The following ADK variants were observed in gnomAD, a reference collection of about 807,000 sequenced individuals.
ADK encodes the protein adenosine kinase, also known as N6,N6-dimethyladenosine kinase.
In ADK, 24 loss-of-function variants were observed where a neutral mutation model predicts 44.7. The ratio of observed to expected loss-of-function variants is 0.54; its 90% CI spans 0.39 to 0.76. The LOEUF is 0.76. ADK is among the 30% of genes least tolerant of loss of function. ADK has a pLI of 0.00. For synonymous variants in ADK, 128 were observed against 142.6 expected (o/e 0.90, Z 0.73); for missense variants, 321 against 425.1 (o/e 0.76, Z 2.15).
intron 9 of ADK, among the ~76,000 whole-genome samples, chr10:74,639,797 C>T (rs145362532): frequency 6.6e-6 from 1 of 152,302 alleles, no homozygotes; most frequent in Admixed American, 6.5e-5. Context: ...GATCTCGCTA[C>T]TGCACTCCAG....
chr10:74,207,859 GTC>G (rs1414354239), intron 2 of ADK, among the ~76,000 whole-genome samples: 1 of 152,166 alleles, frequency 6.6e-6, no homozygotes, highest in Non-Finnish European at 1.5e-5. Context: ...CCAGGAGAGT[GTC>G]TGCCTCCTGC....
intron 4 of ADK, chr10:74,372,023 C>G: frequency 1.3e-6 from 1 of 773,406 alleles, no homozygotes; most frequent in South Asian, 1.3e-5. Flanking sequence ...CCATTCTATG[C>G]AACAATAAGG....
intron 1 of ADK, among the ~76,000 whole-genome samples, chr10:74,185,308 G>T (rs1591821054): frequency 1.3e-5 from 2 of 152,256 alleles, no homozygotes; most frequent in African/African-American, 4.8e-5. Context: ...AAGGTTTTCT[G>T]CGGGGAGGTT....
chr10:74,619,058 GTT>G (rs1209360334), intron 9 of ADK, among the ~76,000 whole-genome samples: 1 of 138,462 alleles, frequency 7.2e-6, no homozygotes, highest in Non-Finnish European at 1.6e-5. Flanking sequence ...GTGTGTGTGT[GTT>G]TTACCCCTTT....
At chr10:74,694,147 ATTTTTTTTTTTT>A (rs10669118) in intron 10 of ADK, among the ~76,000 whole-genome samples, 26 of 82,312 alleles carry the variant, frequency 3.2e-4, no homozygotes, top group South Asian at 1.5e-3. Flanking sequence ...TTTCAAACAC[ATTTTTTTTTTTT>A]TTTTTTTTTT....
intron 1 of ADK, among the ~76,000 whole-genome samples, chr10:74,162,521 T>TGTGTG (rs1841932111): frequency 7.0e-6 from 1 of 141,882 alleles, no homozygotes; most frequent in African/African-American, 2.6e-5. Flanking sequence ...TGCATTTCTT[T>TGTGTG]TGTGTGTGTG....
chr10:74,549,137 T>A (rs1320787981), intron 7 of ADK, among the ~76,000 whole-genome samples: 5 of 152,230 alleles, frequency 3.3e-5, no homozygotes, highest in African/African-American at 1.2e-4. Flanking sequence ...GTACAACTTA[T>A]AAAATTGAAT....
At chr10:74,426,489 A>G (rs1844801887) in intron 6 of ADK, among the ~76,000 whole-genome samples, 1 of 152,230 alleles carries the variant, frequency 6.6e-6, no homozygotes, top group African/African-American at 2.4e-5. Context: ...AACAAAAAGC[A>G]GAAACAAATA....
At chr10:74,293,712 G>C (rs1839709822) in intron 3 of ADK, among the ~76,000 whole-genome samples, 1 of 152,054 alleles carries the variant, frequency 6.6e-6, no homozygotes, top group Non-Finnish European at 1.5e-5. Flanking sequence ...TAGGTTTTTG[G>C]ATAAATTTTT....
At chr10:74,294,231 A>T (rs1406473385) in intron 3 of ADK, among the ~76,000 whole-genome samples, 1 of 151,362 alleles carries the variant, frequency 6.6e-6, no homozygotes, top group Non-Finnish European at 1.5e-5. Context: ...TAATGTTGGT[A>T]TGTGAACATT....
chr10:74,527,330 C>T (rs1849087233), intron 7 of ADK, among the ~76,000 whole-genome samples: 1 of 151,630 alleles, frequency 6.6e-6, no homozygotes, highest in South Asian at 2.1e-4. Context: ...CACTGCACTC[C>T]AGCCTGGACA....
intron 6 of ADK, among the ~76,000 whole-genome samples, chr10:74,516,149 T>G (rs530383835): frequency 1.3e-5 from 2 of 152,302 alleles, no homozygotes; most frequent in African/African-American, 4.8e-5. Context: ...GCTCAGGGCT[T>G]GTGAGGACTA....
chr10:74,287,236 G>A (rs1468844457), intron 3 of ADK, among the ~76,000 whole-genome samples: 1 of 152,026 alleles, frequency 6.6e-6, no homozygotes, highest in African/African-American at 2.4e-5. Flanking sequence ...AGACTGAGGC[G>A]GGCAGATCAC....
chr10:74,307,008 C>G (rs375598076), intron 3 of ADK, among the ~76,000 whole-genome samples: 1 of 152,142 alleles, frequency 6.6e-6, no homozygotes, highest in African/African-American at 2.4e-5. Context: ...CTGTTTTCCC[C>G]CTATTGCCCC....
At chr10:74,194,846 G>A (rs901323957) in intron 1 of ADK, among the ~76,000 whole-genome samples, 3 of 152,174 alleles carry the variant, frequency 2.0e-5, no homozygotes, top group African/African-American at 7.2e-5. Flanking sequence ...GTTAAAGGCA[G>A]TCATTGTTAG....
chr10:74,250,505 A>G (rs1845609890), intron 3 of ADK, among the ~76,000 whole-genome samples: 1 of 152,196 alleles, frequency 6.6e-6, no homozygotes, highest in Admixed American at 6.5e-5. Flanking sequence ...GAAAAGTTTT[A>G]TATACAAGGT....
chr10:74,543,855 C>CT (rs372996134), intron 7 of ADK, among the ~76,000 whole-genome samples: 30 of 148,898 alleles, frequency 2.0e-4, no homozygotes, highest in South Asian at 8.7e-4. Flanking sequence ...ACTCTTTTAT[C>CT]TTTTTTTTTT....
chr10:74,531,280 T>C (rs1849282689), intron 7 of ADK, among the ~76,000 whole-genome samples: 1 of 152,186 alleles, frequency 6.6e-6, no homozygotes, highest in African/African-American at 2.4e-5. Flanking sequence ...TTAAAAGGAA[T>C]TTTGTCTCAT....
chr10:74,333,144 T>G (rs1841279126), intron 4 of ADK, among the ~76,000 whole-genome samples: 1 of 152,212 alleles, frequency 6.6e-6, no homozygotes, highest in Admixed American at 6.5e-5. Flanking sequence ...AATCGTCTAT[T>G]TTTTCAGCTA....
Sources: allele counts gnomAD v4.1 joint callset (sites outside exome capture counted in the v4.1 genomes callset), GRCh38; gene constraint gnomAD v4.1.1; transcripts MANE v1.5; gene names NCBI Gene and HGNC (gene_info 2026-07-23, HGNC 2026-07-21).